DEAF1: variants seen among roughly 807,000 people sequenced by gnomAD.
DEAF1 encodes the protein deformed epidermal autoregulatory factor 1 homolog.
In DEAF1, 53 loss-of-function variants were observed where a neutral mutation model predicts 58.9. The ratio of observed to expected loss-of-function variants is 0.90; its 90% CI spans 0.72 to 1.13. The LOEUF is 1.13. Among genes scored for constraint, DEAF1 ranks in the 50% most tolerant of loss-of-function variants. The probability of loss-of-function intolerance (pLI) is 0.00; values close to 1 mark genes in which losing one functional copy is unlikely to be tolerated. For synonymous variants in DEAF1, 385 were observed against 340.4 expected (o/e 1.13, Z -1.44); for missense variants, 685 against 791.4 (o/e 0.87, Z 1.61).
At position 649,697 on chromosome 11, in the gene DEAF1, G is replaced by A. The variant is rs190152237; in HGVS notation, c.1593+4265C>T. ...ATTACGCCAGTGCACTCCAGCCTGGGCAACAAAGTGATACTCTGTCTCAAT... is the reference window on the plus strand; with the variant it reads ...ATTACGCCAGTGCACTCCAGCCTGGACAACAAAGTGATACTCTGTCTCAAT... On this transcript the variant is annotated intron_variant, in intron 11 of 11. Transcript: ENST00000382409. 2.5e-4 allele frequency among the ~76,000 whole-genome samples: 37 copies of A among 150,286 alleles called. No homozygotes were observed. In the East Asian group the frequency reaches 6.5e-3, roughly 26 times the overall value.
At chr11:664,176 G>A (rs1328193984) in intron 10 of DEAF1, among the ~76,000 whole-genome samples, 3 of 151,580 alleles carry the variant, frequency 2.0e-5, no homozygotes, top group African/African-American at 7.3e-5. Flanking sequence ...TCACGCCATT[G>A]CACTCCAGCC....
intron 10 of DEAF1, among the ~76,000 whole-genome samples, chr11:662,418 G>C (rs1022329124): frequency 6.6e-6 from 1 of 152,224 alleles, no homozygotes; most frequent in South Asian, 2.1e-4. Context: ...TGGGATCAGG[G>C]AACAGAAACT....
At chr11:658,513 C>A (rs1859170951) in intron 10 of DEAF1, among the ~76,000 whole-genome samples, 2 of 152,254 alleles carry the variant, frequency 1.3e-5, no homozygotes, top group Admixed American at 1.3e-4. Context: ...CGCGTTTCCG[C>A]AGCCAAGGAC....
intron 6 of DEAF1, among the ~76,000 whole-genome samples, chr11:684,310 C>T (rs775772915): frequency 2.6e-5 from 4 of 151,896 alleles, no homozygotes; most frequent in South Asian, 4.1e-4. Context: ...CCCAGCTACG[C>T]GGGAAGCTGA....
intron 10 of DEAF1, among the ~76,000 whole-genome samples, chr11:664,230 G>GA (rs1203992258): frequency 7.7e-6 from 1 of 130,254 alleles, no homozygotes; most frequent in Non-Finnish European, 1.7e-5. Flanking sequence ...AAAAGAAAAA[G>GA]AAAAAAAAGA....
intron 11 of DEAF1, among the ~76,000 whole-genome samples, chr11:650,036 AAAAC>A (rs1858691630): frequency 1.3e-5 from 2 of 151,484 alleles, no homozygotes; most frequent in Admixed American, 6.6e-5. Flanking sequence ...AACAAAAACA[AAAAC>A]AAAAACAAAA....
Position 686,971 on chromosome 11 carries a change from CCT to C in DEAF1, c.689_690del (p.Gln230ArgfsTer11), listed in dbSNP as rs1860621399. Reference protein sequence around the residue: ...GSGGRGRCIKQGENWYSPTEF... With the variant: ...GSGGRGRCIKXGENWYSPTEF... ...TCGGTGGGACTGTACCAGTTCTCCC[CCT>C]GCTTGATGCACCGTCCCCGGCCGCC... On this transcript the variant is annotated frameshift_variant, in exon 5 of 12. Transcript: ENST00000382409. LOFTEE classifies it high-confidence loss of function. 1.2e-6 allele frequency: 2 copies of C among 1,614,106 alleles called. No individual in the cohort carries two copies. Among genetic ancestry groups the C allele is most frequent in the African/African-American group, 1.3e-5 (1 of 74,938 alleles).
chr11:694,298 G>T, intron 1 of DEAF1: 1 of 197,958 alleles, frequency 5.1e-6, no homozygotes, highest in South Asian at 5.9e-5. Context: ...AGGTGTGCGG[G>T]GCAGGTGTTT....
Position 688,256 on chromosome 11 carries a change from A to G in DEAF1, c.517+75T>C. On this transcript the variant is annotated intron_variant, in intron 3 of 11. Coordinates refer to ENST00000382409, the MANE Select transcript of DEAF1 (RefSeq NM_021008.4). The surrounding 1 kb of genome is among the most constrained non-coding windows in gnomAD (Gnocchi z 4.3). ...ATTTACCACAAAAAGAAACAAGTAA[A>G]TAAATCCCTGAAATAAATTCTAGCT... The G allele has an allele frequency of 6.3e-7, 1 of 1,576,154 alleles. No individual in the cohort carries two copies. Among genetic ancestry groups the G allele is most frequent in the South Asian group, 1.1e-5 (1 of 87,178 alleles).
rs372135504 is a variant in DEAF1 at position 679,804 on chromosome 11, G to C, written c.1010C>G (p.Pro337Arg). Residue 337 changes from proline (P) to arginine (R), a missense_variant, in exon 8 of 12, where the codon CCC (proline) becomes CGC (arginine). Physicochemically the swap from Pro to Arg is moderately radical, Grantham distance 103 (BLOSUM62 -2). This residue lies in a region of DEAF1 where 343 missense variants were observed against 379.8 expected (regional missense o/e 0.90). Transcript: ENST00000382409. ...ATAATTFTVT[P>R]SGQITTSGAL... ...CCCCGAGGTCGTGATCTGTCCCGAG[G>C]GGGTCACGGTGACTGGAAAGGCAGA... 89 of 1,613,706 alleles carry C rather than the reference G, an allele frequency of 5.5e-5. No individual in the cohort carries two copies. In the East Asian group the frequency reaches 1.9e-3, roughly 35 times the overall value.
At chr11:667,512 A>G (rs1293995390) in intron 10 of DEAF1, among the ~76,000 whole-genome samples, 2 of 152,148 alleles carry the variant, frequency 1.3e-5, no homozygotes, top group Non-Finnish European at 2.9e-5. Flanking sequence ...CTGGTGAATG[A>G]TAAAAAGTGA....
intron 4 of DEAF1, among the ~76,000 whole-genome samples, chr11:687,696 A>G (rs559208726): frequency 2.2e-4 from 34 of 152,038 alleles, no homozygotes; most frequent in African/African-American, 7.2e-4. Flanking sequence ...ACGGGTTTTC[A>G]TCGTGTTAGC....
chr11:688,425 C>A lies in DEAF1; in HGVS notation c.423G>T (p.Leu141=), dbSNP rs1860688805. 1 of 1,613,748 alleles carries A rather than the reference C, an allele frequency of 6.2e-7. No individual in the cohort carries two copies. Among genetic ancestry groups the A allele is most frequent in the Non-Finnish European group, 8.5e-7 (1 of 1,180,022 alleles). The change falls in exon 3 of 12, where the codon CTG becomes CTT. Residue 141 remains leucine, a synonymous_variant. Coordinates refer to ENST00000382409, the MANE Select transcript of DEAF1 (RefSeq NM_021008.4). This position sits in a 1 kb window ranked among gnomAD's most constrained non-coding sequence, Gnocchi z 4.3. Reference sequence around the variant, plus strand: ...CAATCAGTGTCGCTTTTTCGGTGTTCAGGCTGTCCCCGATCTGAAGGGCCG... The same window carrying A: ...CAATCAGTGTCGCTTTTTCGGTGTTAAGGCTGTCCCCGATCTGAAGGGCCG... ...GRTALQIGDS[L]NTEKATLIVV...
At chr11:656,218 C>T (rs781055717) in intron 10 of DEAF1, among the ~76,000 whole-genome samples, 1 of 150,642 alleles carries the variant, frequency 6.6e-6, no homozygotes, top group African/African-American at 2.5e-5. Context: ...TGCAGTGGCA[C>T]GATCTCAGCT....
At chr11:647,120 T>C (rs1259727650) in intron 11 of DEAF1, among the ~76,000 whole-genome samples, 2 of 152,222 alleles carry the variant, frequency 1.3e-5, no homozygotes, top group Non-Finnish European at 2.9e-5. Context: ...ATGGCACCAC[T>C]GGACTGCAGC....
rs1202584566 is a variant in DEAF1, at chr11:704,377, G to A, written c.-438+2195C>T. ...TGGACAGTCTTTCCTGCCTGTCTTCGTGGAAGCGGTGGGAGCACCCAGTTG... is the reference window on the plus strand; with the variant it reads ...TGGACAGTCTTTCCTGCCTGTCTTCATGGAAGCGGTGGGAGCACCCAGTTG... On this transcript the variant is annotated intron_variant, in intron 1 of 11. Transcript: ENST00000683307. 8.1e-6 allele frequency: 9 copies of A among 1,116,152 alleles called. No homozygotes were observed. In the East Asian group the frequency reaches 2.9e-4, roughly 36 times the overall value. 69.1% of individuals were successfully genotyped at this position (1,116,152 alleles called of 1,614,324 possible).
At chr11:704,822 G>C (rs1181591862) in intron 1 of DEAF1, 11 of 402,484 alleles carry the variant, frequency 2.7e-5, no homozygotes, top group Admixed American at 1.1e-4. Context: ...CCGTTTAGGA[G>C]TGGAGAGGGA....
Position 691,549 on chromosome 11 carries a change from G to A in DEAF1, c.339C>T (p.Val113=). 1 of 1,613,818 alleles carries A rather than the reference G, an allele frequency of 6.2e-7. No individual in the cohort carries two copies. Among genetic ancestry groups the A allele is most frequent in the Non-Finnish European group, 8.5e-7 (1 of 1,180,014 alleles). The change falls in exon 2 of 12, where the codon GTC becomes GTT. Residue 113 remains valine, a synonymous_variant. Transcript: ENST00000382409. ...CCGCGTTCGCCACAGACGTGGTGAAGACATTGTCTGCAGCAGCCCCCACGT... is the reference window on the plus strand; with the variant it reads ...CCGCGTTCGCCACAGACGTGGTGAAAACATTGTCTGCAGCAGCCCCCACGT... The part of the protein sequence containing the change: ...VANVGAAADN[V]FTTSVANAAS...
chr11:682,055 G>A (rs1225466765), intron 6 of DEAF1, among the ~76,000 whole-genome samples: 3 of 152,208 alleles, frequency 2.0e-5, no homozygotes, highest in African/African-American at 4.8e-5. Context: ...ACTCAGGTAC[G>A]GAGCTGGACT....
Sources: gnomAD v4.1 joint callset for allele counts (sites outside exome capture counted in the v4.1 genomes callset) on GRCh38, gnomAD v4.1.1 for gene constraint, gnomAD v4.1.1 regional missense constraint, Gnocchi (gnomAD v3.1) non-coding constraint, MANE v1.5 for transcripts, NCBI Gene and HGNC (gene_info 2026-07-23, HGNC 2026-07-21) for gene names.